SGCD: variants seen among roughly 807,000 people sequenced by gnomAD.
SGCD encodes the protein sarcoglycan delta.
A neutral mutation model predicts 36.6 loss-of-function variants in SGCD; 18 were observed. The observed-to-expected ratio is 0.49, with a 90% CI of 0.34 to 0.73. The LOEUF (loss-of-function observed/expected upper bound fraction) is 0.73. Among genes scored for constraint, SGCD ranks in the 30% least tolerant of loss-of-function variants. The probability of loss-of-function intolerance (pLI) is 0.01; values close to 1 mark genes in which losing one functional copy is unlikely to be tolerated. For synonymous variants in SGCD, 133 were observed against 130.6 expected, an observed-to-expected ratio of 1.02 and a Z score of -0.12; for missense variants, 387 against 346.7, an observed-to-expected ratio of 1.12 and a Z score of -0.92.
At chr5:156,148,576 G>A (rs1762761725) in intron 3 of SGCD, among the ~76,000 whole-genome samples, 1 of 151,892 alleles carries the variant, frequency 6.6e-6, no homozygotes, top group Admixed American at 6.6e-5. Context: ...TTTGATTTTT[G>A]TGGGTAAGTT....
At chr5:155,869,932 G>C (rs12516916), upstream of SGCD, among the ~76,000 whole-genome samples, 8 of 152,190 alleles carry the variant, frequency 5.3e-5, no homozygotes, top group Non-Finnish European at 8.8e-5. Context: ...CCGGGAGGCA[G>C]AGGTTCAAGC....
intron 6 of SGCD, among the ~76,000 whole-genome samples, chr5:156,602,957 C>A (rs1761261668): frequency 6.6e-6 from 1 of 152,110 alleles, no homozygotes. Context: ...GGCCTTGTAA[C>A]ATCAGTTTGG....
chr5:156,218,579 T>C (rs946994668), intron 3 of SGCD, among the ~76,000 whole-genome samples: 1 of 152,214 alleles, frequency 6.6e-6, no homozygotes, highest in Non-Finnish European at 1.5e-5. Context: ...TATTTTTGCC[T>C]GAACCCTTTT....
At chr5:156,027,813 T>G (rs1381256930) in intron 1 of SGCD, among the ~76,000 whole-genome samples, 1 of 152,184 alleles carries the variant, frequency 6.6e-6, no homozygotes, top group East Asian at 1.9e-4. Flanking sequence ...TAATTGTCAT[T>G]AATAGTATGT....
rs964489569 is a variant in SGCD, at chr5:156,047,825, CT to C, written c.-281-70044del. ...GAATTTCAAGCCTTATTTCTCTTTT[CT>C]TTTTTTTTAATTATACTTTAAGTTT... On this transcript the variant is annotated intron_variant, in intron 1 of 9. Transcript: ENST00000517913. Among the ~76,000 whole-genome samples the C allele has an allele frequency of 2.9e-4, 44 of 151,332 alleles. No individual in the cohort carries two copies. In the South Asian group the frequency reaches 5.9e-3, roughly 20 times the overall value.
At chr5:156,417,502 C>G (rs1773107606) in intron 3 of SGCD, among the ~76,000 whole-genome samples, 1 of 152,062 alleles carries the variant, frequency 6.6e-6, no homozygotes, top group Non-Finnish European at 1.5e-5. Context: ...TAACAAAATT[C>G]CAAGACTAGG....
intron 1 of SGCD, among the ~76,000 whole-genome samples, chr5:155,967,845 A>G (rs902840850): frequency 1.3e-4 from 20 of 152,070 alleles, no homozygotes; most frequent in Non-Finnish European, 8.8e-5. Flanking sequence ...CCACAGAGAC[A>G]CCTCAAGAAG....
chr5:156,174,832 G>A (rs986746603), intron 3 of SGCD, among the ~76,000 whole-genome samples: 4 of 152,144 alleles, frequency 2.6e-5, no homozygotes, highest in South Asian at 2.1e-4. Context: ...CATTGATAAT[G>A]GTTGAGGCTA....
intron 3 of SGCD, among the ~76,000 whole-genome samples, chr5:156,359,419 T>C (rs1478861465): frequency 6.6e-6 from 1 of 152,186 alleles, no homozygotes; most frequent in African/African-American, 2.4e-5. Flanking sequence ...GAACATATTA[T>C]CTAATCTCTG....
At chr5:156,576,373 C>T (rs1040634585) in intron 4 of SGCD, among the ~76,000 whole-genome samples, 6 of 152,038 alleles carry the variant, frequency 3.9e-5, no homozygotes, top group East Asian at 1.9e-4. Flanking sequence ...TGAATAGTGC[C>T]GCAATAAACA....
chr5:156,524,062 A>G (rs908448626), intron 4 of SGCD, among the ~76,000 whole-genome samples: 1 of 131,584 alleles, frequency 7.6e-6, no homozygotes, highest in African/African-American at 2.8e-5. Flanking sequence ...GCAGTTTCCA[A>G]GAACCTATGG....
At chr5:156,291,025 C>A (rs914214814) in intron 3 of SGCD, among the ~76,000 whole-genome samples, 1 of 152,046 alleles carries the variant, frequency 6.6e-6, no homozygotes, top group Non-Finnish European at 1.5e-5. Context: ...GTCTTAGAGC[C>A]GGCCCTTGAC....
At chr5:156,444,064 TTCTCTCTCTCTCTCTCTC>T (rs535098783) in intron 3 of SGCD, among the ~76,000 whole-genome samples, 36 of 34,500 alleles carry the variant, frequency 1.0e-3, no homozygotes, top group Admixed American at 1.3e-3. Context: ...CTTTCTCTCC[TTCTCTCTCTCTCTCTCTC>T]TCTCTCTCTC....
intron 3 of SGCD, among the ~76,000 whole-genome samples, chr5:156,210,483 A>G (rs2127640618): frequency 6.6e-6 from 1 of 152,310 alleles, no homozygotes; most frequent in East Asian, 1.9e-4. Context: ...AGACATATGA[A>G]CAACCCAACA....
chr5:156,125,120 G>A (rs920044708), intron 3 of SGCD, among the ~76,000 whole-genome samples: 4 of 152,166 alleles, frequency 2.6e-5, no homozygotes, highest in Admixed American at 2.0e-4. Context: ...GAAGTTGTAG[G>A]ATGTCTGAAA....
intron 3 of SGCD, among the ~76,000 whole-genome samples, chr5:156,218,348 G>T (rs1764629856): frequency 6.6e-6 from 1 of 152,010 alleles, no homozygotes; most frequent in Non-Finnish European, 1.5e-5. Flanking sequence ...GGGGAAAAAA[G>T]AGAAGAAAAA....
At chr5:156,497,390 C>T (rs377677459) in intron 3 of SGCD, among the ~76,000 whole-genome samples, 18 of 152,216 alleles carry the variant, frequency 1.2e-4, no homozygotes, top group South Asian at 4.1e-4. Context: ...GATTTACTCA[C>T]GCCCAGAGAA....
chr5:156,408,172 A>T (rs774009630), intron 3 of SGCD, among the ~76,000 whole-genome samples: 1 of 152,122 alleles, frequency 6.6e-6, no homozygotes, highest in South Asian at 2.1e-4. Flanking sequence ...TTGTCTTTTC[A>T]TCTTGAAGTA....
the SGCD span, among the ~76,000 whole-genome samples, chr5:155,759,950 A>T: frequency 1.3e-5 from 2 of 152,164 alleles, no homozygotes; most frequent in African/African-American, 4.8e-5. Context: ...CTGCACATAC[A>T]TTTCATCCGG....
Sources: allele counts gnomAD v4.1 joint callset (sites outside exome capture counted in the v4.1 genomes callset), GRCh38; gene constraint gnomAD v4.1.1; transcripts MANE v1.5; gene names NCBI Gene and HGNC (gene_info 2026-07-23, HGNC 2026-07-21).